Variants in TUSC3 observed in about 807,000 individuals in gnomAD.
TUSC3 encodes the protein tumor suppressor candidate 3.
In TUSC3, 45 loss-of-function variants were observed where a neutral mutation model predicts 44.8. That is an observed-to-expected ratio of 1.00 (90% CI 0.79 to 1.29). TUSC3 has a LOEUF of 1.29. Among genes scored for constraint, TUSC3 ranks in the 50% most tolerant of loss-of-function variants. The pLI is 0.00. For synonymous variants in TUSC3, 212 were observed against 152.9 expected, an observed-to-expected ratio of 1.39 and a Z score of -2.85; for missense variants, 519 against 437.9, an observed-to-expected ratio of 1.19 and a Z score of -1.65.
chr8:15,487,630 T>A (rs1800750482), intron 2 of TUSC3, among the ~76,000 whole-genome samples: 1 of 152,252 alleles, frequency 6.6e-6, no homozygotes. Flanking sequence ...TCTCAATCTT[T>A]CTTTTAGCTG....
intron 5 of TUSC3, 39 bp from the exon 6 acceptor site, chr8:15,673,708 T>C: frequency 8.9e-6 from 13 of 1,468,030 alleles, no homozygotes; most frequent in Non-Finnish European, 1.2e-5. Flanking sequence ...TCTGGTATTC[T>C]CTGGTTTACA....
At chr8:15,798,369 G>A in the TUSC3 span, among the ~76,000 whole-genome samples, 9 of 152,250 alleles carry the variant, frequency 5.9e-5, no homozygotes, top group African/African-American at 2.2e-4. Flanking sequence ...ATAAAAGTTT[G>A]AATCCTTCCC....
the TUSC3 span, among the ~76,000 whole-genome samples, chr8:15,779,090 A>G: frequency 7.2e-6 from 1 of 138,872 alleles, no homozygotes; most frequent in African/African-American, 2.8e-5. Context: ...GCCACCCTCG[A>G]ATGTTTTCTT....
intron 1 of TUSC3, among the ~76,000 whole-genome samples, chr8:15,476,043 C>G (rs897377457): frequency 6.6e-6 from 1 of 152,066 alleles, no homozygotes; most frequent in Non-Finnish European, 1.5e-5. Flanking sequence ...AAAATTATTC[C>G]TTGTTTGCTC....
the TUSC3 span, among the ~76,000 whole-genome samples, chr8:15,792,116 T>C: frequency 1.5e-5 from 1 of 65,798 alleles, no homozygotes; most frequent in Non-Finnish European, 3.2e-5. Context: ...TTAGCCAACC[T>C]CTAACACACA....
chr8:15,504,860 G>C (rs1563268732), intron 2 of TUSC3, among the ~76,000 whole-genome samples: 1 of 151,144 alleles, frequency 6.6e-6, no homozygotes, highest in Admixed American at 6.6e-5. Flanking sequence ...CACCGTGTTA[G>C]CCAGGATGGT....
chr8:15,768,300 A>T (rs553698926), downstream of TUSC3, among the ~76,000 whole-genome samples: 3 of 152,324 alleles, frequency 2.0e-5, no homozygotes, highest in South Asian at 6.2e-4. Flanking sequence ...ATAAACTGCA[A>T]TTCACAACAA....
chr8:15,493,389 T>C (rs1043430979), intron 2 of TUSC3, among the ~76,000 whole-genome samples: 1 of 151,844 alleles, frequency 6.6e-6, no homozygotes, highest in Non-Finnish European at 1.5e-5. Flanking sequence ...GCCTCCTGAG[T>C]AGTTGGGGTT....
chr8:15,616,227 G>A (rs920567993), intron 1 of TUSC3, among the ~76,000 whole-genome samples: 1 of 152,136 alleles, frequency 6.6e-6, no homozygotes, highest in Non-Finnish European at 1.5e-5. Flanking sequence ...GAAGTTTATA[G>A]TGACATGTAT....
chr8:15,806,038 T>G, the TUSC3 span: 1 of 247,460 alleles, frequency 4.0e-6, no homozygotes. Context: ...TTCTTACCCA[T>G]GTCATATCCC....
At chr8:15,736,232 A>G (rs1212750583) in intron 7 of TUSC3, among the ~76,000 whole-genome samples, 1 of 152,212 alleles carries the variant, frequency 6.6e-6, no homozygotes, top group Non-Finnish European at 1.5e-5. Flanking sequence ...AGGAAGACAC[A>G]CAACAAATGA....
intron 6 of TUSC3, among the ~76,000 whole-genome samples, chr8:15,686,369 A>G (rs1347553957): frequency 6.6e-6 from 1 of 152,088 alleles, no homozygotes; most frequent in Admixed American, 6.6e-5. Flanking sequence ...ATATAGTCCA[A>G]AAATTTTCAC....
At chr8:15,466,940 A>C (rs1231260506) in intron 1 of TUSC3, among the ~76,000 whole-genome samples, 5 of 152,068 alleles carry the variant, frequency 3.3e-5, no homozygotes, top group Non-Finnish European at 7.4e-5. Context: ...CTTTAGCATA[A>C]TGGAATTAGT....
intron 7 of TUSC3, among the ~76,000 whole-genome samples, chr8:15,735,170 A>G (rs1424658838): frequency 6.6e-6 from 1 of 151,686 alleles, no homozygotes; most frequent in Non-Finnish European, 1.5e-5. Flanking sequence ...TAGAGAAGGT[A>G]GAGCAAAGGA....
At chr8:15,473,610 G>C (rs1800526977) in intron 1 of TUSC3, among the ~76,000 whole-genome samples, 1 of 152,156 alleles carries the variant, frequency 6.6e-6, no homozygotes, top group Admixed American at 6.5e-5. Flanking sequence ...TTACAGCTGG[G>C]ACTCCGGGGG....
At chr8:15,832,240 T>G in the TUSC3 span, among the ~76,000 whole-genome samples, 1 of 152,054 alleles carries the variant, frequency 6.6e-6, no homozygotes, top group Non-Finnish European at 1.5e-5. Flanking sequence ...GGCAAGCAAA[T>G]ACTGAGGGAA....
At chr8:15,807,335 CA>C in the TUSC3 span, 140 of 414,402 alleles carry the variant, frequency 3.4e-4, no homozygotes, top group African/African-American at 2.7e-3. Context: ...TCAACAAAAC[CA>C]AAACAAGTCA....
At chr8:15,698,149 G>A (rs1390846180) in intron 6 of TUSC3, among the ~76,000 whole-genome samples, 1 of 152,034 alleles carries the variant, frequency 6.6e-6, no homozygotes, top group East Asian at 1.9e-4. Context: ...AATATTCAAA[G>A]TAAGCCCTGT....
intron 2 of TUSC3, among the ~76,000 whole-genome samples, chr8:15,512,883 T>TATAC: frequency 7.0e-6 from 1 of 143,822 alleles, no homozygotes; most frequent in South Asian, 2.2e-4. Flanking sequence ...TATATATATA[T>TATAC]ATACACACAA....
Sources: gnomAD v4.1 joint callset for allele counts (sites outside exome capture counted in the v4.1 genomes callset) on GRCh38, gnomAD v4.1.1 for gene constraint, MANE v1.5 for transcripts, NCBI Gene and HGNC (gene_info 2026-07-23, HGNC 2026-07-21) for gene names.